Variants in UBE2E3 observed in about 807,000 individuals in gnomAD.
UBE2E3 encodes ubiquitin-conjugating enzyme E2 E3.
In UBE2E3, 5 loss-of-function variants were observed where a neutral mutation model predicts 23.6. The observed-to-expected ratio is 0.21, with a 90% confidence interval of 0.11 to 0.44. The LOEUF is 0.44. Among genes scored for constraint, UBE2E3 ranks in the 20% least tolerant of loss-of-function variants. UBE2E3 has a pLI of 0.99. For missense variants in UBE2E3, 81 were observed against 249.8 expected, an observed-to-expected ratio of 0.32 and a Z score of 4.55; for synonymous variants, 78 against 87.5, an observed-to-expected ratio of 0.89 and a Z score of 0.60.
At chr2:181,044,004 G>GT (rs1371833673) in intron 3 of UBE2E3, among the ~76,000 whole-genome samples, 9 of 152,050 alleles carry the variant, frequency 5.9e-5, no homozygotes, top group African/African-American at 2.2e-4. Flanking sequence ...TCACGTCTCT[G>GT]TTTTTTGTCC....
intron 3 of UBE2E3, among the ~76,000 whole-genome samples, chr2:180,998,528 C>G (rs1257507890): frequency 6.6e-6 from 1 of 151,504 alleles, no homozygotes; most frequent in East Asian, 1.9e-4. Flanking sequence ...CAATTAAGAT[C>G]ATGTTTCCTA....
intron 3 of UBE2E3, among the ~76,000 whole-genome samples, chr2:181,031,758 A>C (rs1292322290): frequency 1.3e-5 from 2 of 152,054 alleles, no homozygotes; most frequent in South Asian, 4.1e-4. Flanking sequence ...CTATTTCTGT[A>C]TCCTTAGTGG....
chr2:181,057,891 C>G (rs1687030930), intron 4 of UBE2E3, 66 bp downstream of exon 4: 2 of 1,502,026 alleles, frequency 1.3e-6, no homozygotes, highest in African/African-American at 1.4e-5. Flanking sequence ...TATTCTAGAA[C>G]TTAAATGTGT....
chr2:180,986,306 AT>A (rs1420820124), intron 3 of UBE2E3, among the ~76,000 whole-genome samples: 1 of 152,134 alleles, frequency 6.6e-6, no homozygotes, highest in Non-Finnish European at 1.5e-5. Flanking sequence ...GTTTCTTATT[AT>A]TTGGAGGCAG....
chr2:180,981,849 G>A (rs1431642375), intron 1 of UBE2E3, among the ~76,000 whole-genome samples, 169 bp from the exon 2 acceptor site: 1 of 150,938 alleles, frequency 6.6e-6, no homozygotes, highest in Non-Finnish European at 1.5e-5. Flanking sequence ...CTGGCGTTGT[G>A]TGACACATCA....
chr2:181,005,420 A>T (rs530278907), intron 3 of UBE2E3, among the ~76,000 whole-genome samples: 1 of 152,324 alleles, frequency 6.6e-6, no homozygotes, highest in Non-Finnish European at 1.5e-5. Context: ...TATCCCCAGG[A>T]TAGGAATGGC....
chr2:181,025,171 G>A (rs1685845411), intron 3 of UBE2E3, among the ~76,000 whole-genome samples: 1 of 151,938 alleles, frequency 6.6e-6, no homozygotes, highest in South Asian at 2.1e-4. Context: ...TAGGATTAGA[G>A]TGGGTCTTGG....
chr2:181,043,106 A>G (rs148552835), intron 3 of UBE2E3, among the ~76,000 whole-genome samples: 21 of 152,360 alleles, frequency 1.4e-4, no homozygotes, highest in South Asian at 8.3e-4. Context: ...AAATAAAAGT[A>G]TATAACAGGT....
intron 3 of UBE2E3, among the ~76,000 whole-genome samples, chr2:181,046,457 G>T (rs981583036): frequency 6.6e-6 from 1 of 152,098 alleles, no homozygotes. Context: ...GATAAACTGG[G>T]CTAGAGCTTG....
intron 3 of UBE2E3, among the ~76,000 whole-genome samples, chr2:180,984,517 C>T (rs899547560): frequency 2.0e-5 from 3 of 152,088 alleles, no homozygotes; most frequent in East Asian, 3.9e-4. Flanking sequence ...AGTAAATAAG[C>T]ATATAGTTGG....
rs1684403493 is a variant in UBE2E3, at chr2:180,984,825, AT to A, written c.245+739del. Among the ~76,000 whole-genome samples, 5 of 152,004 alleles carry A rather than the reference AT, an allele frequency of 3.3e-5. No individual in the cohort carries two copies. The South Asian group carries it at 1.0e-3, about 32-fold the overall frequency. On this transcript the variant is annotated intron_variant, in intron 3 of 5. Coordinates refer to ENST00000410062, the MANE Select transcript of UBE2E3 (RefSeq NM_006357.4). ...CTGGTTGATTATTTTTTCTCTAATA[AT>A]TTTTTTCATTTCATTTGTATAGCGC...
chr2:180,995,344 G>C (rs1162670789), intron 3 of UBE2E3, among the ~76,000 whole-genome samples: 1 of 152,064 alleles, frequency 6.6e-6, no homozygotes, highest in Non-Finnish European at 1.5e-5. Context: ...TTTCAGACAA[G>C]CTTACAATAT....
intron 3 of UBE2E3, among the ~76,000 whole-genome samples, chr2:181,012,202 C>G (rs191455775): frequency 1.3e-5 from 2 of 152,240 alleles, no homozygotes; most frequent in East Asian, 3.9e-4. Flanking sequence ...ACACTTACTA[C>G]ATTAACAACA....
intron 3 of UBE2E3, among the ~76,000 whole-genome samples, chr2:180,992,235 T>C (rs1029917923): frequency 2.0e-5 from 3 of 147,168 alleles, no homozygotes; most frequent in Admixed American, 2.0e-4. Flanking sequence ...CTGGGTTGTT[T>C]TTCCACTTTG....
intron 3 of UBE2E3, among the ~76,000 whole-genome samples, chr2:181,006,543 T>C (rs1685152469): frequency 6.6e-6 from 1 of 152,080 alleles, no homozygotes; most frequent in Non-Finnish European, 1.5e-5. Context: ...GGAGCACACT[T>C]ATATGCATGT....
chr2:180,982,105 T>C lies in UBE2E3; in HGVS notation c.63T>C (p.Asp21=). ...ESPSTSSGSS[D]ADQRDPAAPE... is the part of the protein sequence containing the mutation. ...CCAGCACCAGCAGTGGCAGTTCAGA[T>C]GCGGACCAGCGAGACCCAGCCGCTC... is the stretch of plus-strand genomic sequence containing the variant. Residue 21 remains aspartate, a synonymous_variant, in exon 2 of 6, where the codon GAT becomes GAC. Coordinates refer to ENST00000410062, the MANE Select transcript of UBE2E3 (RefSeq NM_006357.4). 14 of 1,612,690 alleles carry C rather than the reference T, an allele frequency of 8.7e-6. No homozygotes were observed. Among genetic ancestry groups the C allele is most frequent in the Non-Finnish European group, 1.0e-5 (12 of 1,179,378 alleles).
At chr2:181,035,607 G>A (rs946833480) in intron 3 of UBE2E3, among the ~76,000 whole-genome samples, 9 of 152,238 alleles carry the variant, frequency 5.9e-5, no homozygotes, top group African/African-American at 1.9e-4. Flanking sequence ...CCCATGACCC[G>A]TGGGTCACAT....
intron 3 of UBE2E3, among the ~76,000 whole-genome samples, chr2:181,030,248 T>A (rs1002667453): frequency 6.6e-6 from 1 of 152,148 alleles, no homozygotes; most frequent in African/African-American, 2.4e-5. Flanking sequence ...AAAGTAATAA[T>A]CATATGGTTT....
chr2:181,057,847 C>A (rs374434100), intron 4 of UBE2E3, 22 bp downstream of exon 4: 36 of 1,607,300 alleles, frequency 2.2e-5, no homozygotes, highest in Non-Finnish European at 2.9e-5. Context: ...GAAGTGCATT[C>A]TTTAGTATTT....
Sources: gnomAD v4.1 joint callset for allele counts (sites outside exome capture counted in the v4.1 genomes callset) on GRCh38, gnomAD v4.1.1 for gene constraint, MANE v1.5 for transcripts, NCBI Gene and HGNC (gene_info 2026-07-23, HGNC 2026-07-21) for gene names.